The following GSE1 variants were observed in gnomAD, a reference collection of about 807,000 sequenced individuals.
GSE1 encodes Gse1 coiled-coil protein.
A neutral mutation model predicts 112.6 loss-of-function variants in GSE1; 32 were observed. The observed-to-expected ratio is 0.28, with a 90% CI of 0.21 to 0.38. The LOEUF is 0.38. GSE1 is among the 10% of genes least tolerant of loss of function. The pLI is 1.00. For missense variants in GSE1, 2,348 were observed against 1,699.2 expected, an observed-to-expected ratio of 1.38 and a Z score of -6.71; for synonymous variants, 1,115 against 735.6, an observed-to-expected ratio of 1.52 and a Z score of -8.35.
intron 2 of GSE1, among the ~76,000 whole-genome samples, chr16:85,380,684 C>T (rs1480575995): frequency 1.3e-5 from 2 of 152,282 alleles, no homozygotes; most frequent in Non-Finnish European, 2.9e-5. Flanking sequence ...AAATTGGCTC[C>T]ATTTGGCGTG....
intron 2 of GSE1, among the ~76,000 whole-genome samples, chr16:85,372,910 G>T (rs75634657): frequency 6.6e-6 from 1 of 152,200 alleles, no homozygotes; most frequent in African/African-American, 2.4e-5. Flanking sequence ...GCTGACGGTC[G>T]TCCCGCCAGT....
chr16:85,525,622 C>T (rs2052342439), intron 2 of GSE1, among the ~76,000 whole-genome samples: 1 of 152,204 alleles, frequency 6.6e-6, no homozygotes, highest in Admixed American at 6.5e-5. Flanking sequence ...GTCACAGAGC[C>T]CAGACTACAG....
chr16:85,556,145 G>C (rs1231837162), exon 1 of GSE1: 2 of 834,698 alleles, frequency 2.4e-6, no homozygotes, highest in Non-Finnish European at 2.6e-6. Context: ...TTGCGGGGCG[G>C]GGGGGGGAAA....
intron 2 of GSE1, among the ~76,000 whole-genome samples, chr16:85,509,285 C>T (rs1168643594): frequency 6.6e-6 from 1 of 152,118 alleles, no homozygotes; most frequent in African/African-American, 2.4e-5. Context: ...GAGTCCTGGT[C>T]GTGGGAAGGC....
chr16:85,199,878 G>T (rs1669719976), intron 1 of GSE1, among the ~76,000 whole-genome samples: 1 of 152,154 alleles, frequency 6.6e-6, no homozygotes, highest in African/African-American at 2.4e-5. Flanking sequence ...GGGGGCTACT[G>T]CAGTGGTCCG....
At chr16:85,456,793 T>C (rs77636169) in intron 2 of GSE1, among the ~76,000 whole-genome samples, 7,413 of 152,086 alleles carry the variant, frequency 0.049, 240 homozygotes, top group East Asian at 0.13. Flanking sequence ...CTCAGGGTCC[T>C]GGCGGGGAGA....
intron 11 of GSE1, 41 bp downstream of exon 11, chr16:85,663,655 G>T: frequency 6.3e-7 from 1 of 1,575,586 alleles, no homozygotes. Context: ...GCTCACTGGG[G>T]TGGAAGTGGG....
intron 2 of GSE1, among the ~76,000 whole-genome samples, chr16:85,365,604 G>A (rs1281878746): frequency 6.6e-6 from 1 of 152,230 alleles, no homozygotes; most frequent in Non-Finnish European, 1.5e-5. Context: ...GGAACCACAG[G>A]GCCGTAAGGG....
upstream of GSE1, among the ~76,000 whole-genome samples, chr16:85,609,555 G>T (rs1458641804): frequency 6.6e-6 from 1 of 152,178 alleles, no homozygotes; most frequent in African/African-American, 2.4e-5. Context: ...TCTTTCTGGT[G>T]GATCCTCCTA....
intron 1 of GSE1, among the ~76,000 whole-genome samples, chr16:85,622,488 G>C (rs186911950): frequency 6.6e-6 from 1 of 152,292 alleles, no homozygotes; most frequent in Admixed American, 6.5e-5. Context: ...TTGTAGCCTG[G>C]GTTCATGGAT....
chr16:85,657,003 A>G (rs1210266963), intron 7 of GSE1, among the ~76,000 whole-genome samples: 1 of 152,224 alleles, frequency 6.6e-6, no homozygotes, highest in Non-Finnish European at 1.5e-5. Flanking sequence ...CCGGAAATTT[A>G]ATAGTCTGCT....
chr16:85,470,542 TC>T (rs1293208223), intron 2 of GSE1, among the ~76,000 whole-genome samples: 2 of 152,208 alleles, frequency 1.3e-5, no homozygotes, highest in Non-Finnish European at 2.9e-5. Flanking sequence ...GGTGCTAAAC[TC>T]ATCTCCCTGG....
chr16:85,666,190 T>C lies in GSE1; in HGVS notation c.2973T>C (p.Tyr991=), dbSNP rs367941174. ...GGKKSLSMLH[Y]IRGAAPKDIP... ...AAAAGAGTCTGAGCATGCTTCACTATATCCGGGGCGCTGCACCCAAGGACA... is the reference window on the plus strand; with the variant it reads ...AAAAGAGTCTGAGCATGCTTCACTACATCCGGGGCGCTGCACCCAAGGACA... The change falls in exon 13 of 16, where the codon TAT becomes TAC. Residue 991 remains tyrosine (Y), a synonymous_variant. Transcript: ENST00000253458. 9.3e-6 allele frequency: 15 copies of C among 1,613,444 alleles called. No individual in the cohort carries two copies. In the African/African-American group the frequency reaches 1.9e-4, roughly 20 times the overall value.
In GSE1 at chr16:85,661,146, G is replaced by T; in HGVS notation, c.1641G>T (p.Arg547Ser). 2 of 1,580,870 alleles carry T rather than the reference G, an allele frequency of 1.3e-6. No homozygotes were observed. Among genetic ancestry groups the T allele is most frequent in the Non-Finnish European group, 1.7e-6 (2 of 1,157,584 alleles). Residue 547 changes from arginine (R) to serine (S), a missense_variant and splice_region_variant, in exon 9 of 16, where the codon AGG (arginine) becomes AGT (serine). Transcript: ENST00000253458. ...CTGAAGGGTTGGTTTCACTCCCTAG[G>T]CCAGGACCAAACCGTCACGAGCCAG... ...EAEHRPESTT[R>S]PGPNRHEPGG...
intron 1 of GSE1, among the ~76,000 whole-genome samples, chr16:85,560,128 C>CTTTTTTTTTTT (rs377241566): frequency 6.5e-4 from 64 of 99,156 alleles, no homozygotes; most frequent in Non-Finnish European, 7.5e-4. Context: ...TCTTCTTCTT[C>CTTTTTTTTTTT]TTTTTTTTTT....
chr16:85,339,945 CG>C (rs1043957161), intron 1 of GSE1, among the ~76,000 whole-genome samples: 5 of 152,102 alleles, frequency 3.3e-5, no homozygotes, highest in Non-Finnish European at 4.4e-5. Flanking sequence ...TGGCCCAGGG[CG>C]GGGGCCAGAT....
rs752208509 is a variant in GSE1 at position 85,657,266 on chromosome 16, T to TC, written c.1313-5dup. ...GGCTGAGATCCTGCTTGACCGTGTT[T>TC]CCCCCCACAGAGAAGCTGAAGGATG... On this transcript the variant is annotated splice_polypyrimidine_tract_variant and intron_variant, in intron 7 of 15. Coordinates refer to ENST00000253458, the MANE Select transcript of GSE1 (RefSeq NM_014615.5). 3.4e-5 allele frequency: 51 copies of TC among 1,517,134 alleles called. No homozygotes were observed. The highest frequency in any genetic ancestry group is 1.9e-4 in the Middle Eastern group (1 of 5,336). 94.0% of individuals were successfully genotyped at this position (1,517,134 alleles called of 1,614,324 possible).
At chr16:85,393,211 A>G (rs1242483506) in intron 2 of GSE1, among the ~76,000 whole-genome samples, 1 of 152,216 alleles carries the variant, frequency 6.6e-6, no homozygotes, top group African/African-American at 2.4e-5. Context: ...CAAGACTGCA[A>G]TGAACTGTGA....
At chr16:85,599,023 A>G (rs577415231) in intron 1 of GSE1, among the ~76,000 whole-genome samples, 1 of 152,302 alleles carries the variant, frequency 6.6e-6, no homozygotes, top group African/African-American at 2.4e-5. Context: ...TGTGAATTAA[A>G]TCTTCCAGTA....
Sources: allele counts gnomAD v4.1 joint callset (sites outside exome capture counted in the v4.1 genomes callset), GRCh38; gene constraint gnomAD v4.1.1; transcripts MANE v1.5; gene names NCBI Gene and HGNC (gene_info 2026-07-23, HGNC 2026-07-21).